Variants in DRC11 observed in about 807,000 individuals in gnomAD.
DRC11 encodes the protein dynein regulatory complex subunit 11.
At chr2:236,361,890 A>G in the DRC11 span, among the ~76,000 whole-genome samples, 1 of 152,242 alleles carries the variant, frequency 6.6e-6, no homozygotes. The surrounding 1 kb of genome is among the most constrained non-coding windows in gnomAD (Gnocchi z 5.7). Flanking sequence ...CTATAAAGAC[A>G]TAGACATATT....
chr2:236,357,593 ATT>A, the DRC11 span, among the ~76,000 whole-genome samples: 2 of 126,576 alleles, frequency 1.6e-5, no homozygotes, highest in African/African-American at 3.2e-5. Context: ...ATAAATATGC[ATT>A]TATGTAAATA....
chr2:236,497,304 G>T, the DRC11 span: 3 of 1,613,920 alleles, frequency 1.9e-6, no homozygotes, highest in East Asian at 6.7e-5. This position sits in a 1 kb window ranked among gnomAD's most constrained non-coding sequence, Gnocchi z 5.1. Context: ...GTTTCTGGGG[G>T]TGGACGAACT....
At chr2:236,490,658 T>C in the DRC11 span, among the ~76,000 whole-genome samples, 4 of 152,104 alleles carry the variant, frequency 2.6e-5, no homozygotes, top group Non-Finnish European at 5.9e-5. The surrounding 1 kb of genome is among the most constrained non-coding windows in gnomAD (Gnocchi z 5.5). Flanking sequence ...CAAATAATTC[T>C]AAGGGATTTT....
At chr2:236,483,177 G>A in the DRC11 span, among the ~76,000 whole-genome samples, 2 of 152,144 alleles carry the variant, frequency 1.3e-5, no homozygotes, top group Non-Finnish European at 2.9e-5. The surrounding 1 kb of genome is among the most constrained non-coding windows in gnomAD (Gnocchi z 4.8). Context: ...TTAGCATAAT[G>A]TCCTTCAGGT....
At chr2:236,459,771 A>C in the DRC11 span, among the ~76,000 whole-genome samples, 5 of 151,384 alleles carry the variant, frequency 3.3e-5, no homozygotes, top group African/African-American at 1.2e-4. Context: ...CTATCTCTAT[A>C]TCCTCACAGA....
the DRC11 span, among the ~76,000 whole-genome samples, chr2:236,442,833 T>C: frequency 9.9e-5 from 15 of 152,200 alleles, no homozygotes; most frequent in Admixed American, 9.2e-4. Flanking sequence ...AATTTTACCA[T>C]TGGCAACAAC....
the DRC11 span, among the ~76,000 whole-genome samples, chr2:236,448,777 G>A: frequency 1.7e-4 from 26 of 152,256 alleles, no homozygotes; most frequent in African/African-American, 6.0e-4. This position sits in a 1 kb window ranked among gnomAD's most constrained non-coding sequence, Gnocchi z 5.3. Context: ...CTATCACGCA[G>A]ACTGTTGTAA....
At chr2:236,371,169 C>A in the DRC11 span, among the ~76,000 whole-genome samples, 2 of 152,058 alleles carry the variant, frequency 1.3e-5, no homozygotes, top group Non-Finnish European at 2.9e-5. The surrounding 1 kb of genome is among the most constrained non-coding windows in gnomAD (Gnocchi z 5.1). Flanking sequence ...GAGGAACAGC[C>A]CACATCCACC....
the DRC11 span, among the ~76,000 whole-genome samples, chr2:236,470,451 T>G: frequency 6.6e-6 from 1 of 152,134 alleles, no homozygotes; most frequent in Non-Finnish European, 1.5e-5. The surrounding 1 kb of genome is among the most constrained non-coding windows in gnomAD (Gnocchi z 5.1). Flanking sequence ...CAGTGTTCAT[T>G]AGGAAGCACT....
chr2:236,426,070 G>A, the DRC11 span, among the ~76,000 whole-genome samples: 1 of 151,968 alleles, frequency 6.6e-6, no homozygotes, highest in South Asian at 2.1e-4. The surrounding 1 kb of genome is among the most constrained non-coding windows in gnomAD (Gnocchi z 4.1). Flanking sequence ...GAAGTGTGAT[G>A]TCTTTAGCTT....
the DRC11 span, among the ~76,000 whole-genome samples, chr2:236,353,704 CA>C: frequency 6.6e-6 from 1 of 152,030 alleles, no homozygotes; most frequent in Non-Finnish European, 1.5e-5. This position sits in a 1 kb window ranked among gnomAD's most constrained non-coding sequence, Gnocchi z 5.0. Flanking sequence ...TGGTGGGAAG[CA>C]GGGGTGTCTG....
At chr2:236,497,210 C>G in the DRC11 span, 1 of 1,612,868 alleles carries the variant, frequency 6.2e-7, no homozygotes, top group African/African-American at 1.3e-5. The surrounding 1 kb of genome is among the most constrained non-coding windows in gnomAD (Gnocchi z 5.1). Flanking sequence ...TAATGGAACT[C>G]CGTGAGTTCC....
chr2:236,413,735 G>A, the DRC11 span, among the ~76,000 whole-genome samples: 1 of 152,194 alleles, frequency 6.6e-6, no homozygotes, highest in Non-Finnish European at 1.5e-5. This position sits in a 1 kb window ranked among gnomAD's most constrained non-coding sequence, Gnocchi z 4.0. Flanking sequence ...AGTGCATTTA[G>A]AGAAGACTCA....
the DRC11 span, among the ~76,000 whole-genome samples, chr2:236,397,652 A>G: frequency 3.9e-5 from 6 of 152,226 alleles, no homozygotes; most frequent in Non-Finnish European, 5.9e-5. The surrounding 1 kb of genome is among the most constrained non-coding windows in gnomAD (Gnocchi z 5.0). Flanking sequence ...GTGGCTGTAA[A>G]GGCCAAATGA....
the DRC11 span, among the ~76,000 whole-genome samples, chr2:236,429,460 G>A: frequency 6.6e-6 from 1 of 152,192 alleles, no homozygotes; most frequent in African/African-American, 2.4e-5. The surrounding 1 kb of genome is among the most constrained non-coding windows in gnomAD (Gnocchi z 5.9). Flanking sequence ...AGTTGCTGGA[G>A]GGCATGGCCA....
At chr2:236,475,320 G>C in the DRC11 span, among the ~76,000 whole-genome samples, 4 of 152,226 alleles carry the variant, frequency 2.6e-5, no homozygotes, top group African/African-American at 9.6e-5. This position sits in a 1 kb window ranked among gnomAD's most constrained non-coding sequence, Gnocchi z 4.8. Flanking sequence ...TACTTTTTAT[G>C]GCTGAATAAT....
the DRC11 span, among the ~76,000 whole-genome samples, chr2:236,490,296 T>C: frequency 6.6e-6 from 1 of 152,214 alleles, no homozygotes. This position sits in a 1 kb window ranked among gnomAD's most constrained non-coding sequence, Gnocchi z 5.5. Flanking sequence ...AGGTAACTTA[T>C]GCAAGGCCCC....
chr2:236,364,067 C>T, the DRC11 span: 34 of 1,094,594 alleles, frequency 3.1e-5, no homozygotes, highest in African/African-American at 4.7e-5. Flanking sequence ...AAAACTGCAT[C>T]GTGTGACTCC....
chr2:236,338,393 GAA>G, the DRC11 span: 1 of 1,552,458 alleles, frequency 6.4e-7, no homozygotes, highest in Admixed American at 2.0e-5. Flanking sequence ...CTGGGAGAGA[GAA>G]AAAAAAATTG....
Sources: gnomAD v4.1 joint callset for allele counts (sites outside exome capture counted in the v4.1 genomes callset) on GRCh38, gnomAD v4.1.1 for gene constraint, Gnocchi (gnomAD v3.1) non-coding constraint, MANE v1.5 for transcripts, NCBI Gene and HGNC (gene_info 2026-07-23, HGNC 2026-07-21) for gene names.